AFF3: variants seen among roughly 807,000 people sequenced by gnomAD.
AFF3 encodes the protein AF4/FMR2 family member 3.
AFF3 carries 32 observed loss-of-function variants against 129.7 expected under a neutral mutation model. The ratio of observed to expected loss-of-function variants is 0.25; its 90% CI spans 0.19 to 0.33. The LOEUF (loss-of-function observed/expected upper bound fraction) is 0.33. AFF3 is among the 10% of genes least tolerant of loss of function. AFF3 has a pLI of 1.00. For missense variants in AFF3, 1,373 were observed against 1,592.0 expected, an observed-to-expected ratio of 0.86 and a Z score of 2.34; for synonymous variants, 644 against 635.4, an observed-to-expected ratio of 1.01 and a Z score of -0.20.
At chr2:100,088,418 T>C (rs906460375) in intron 4 of AFF3, among the ~76,000 whole-genome samples, 13 of 152,120 alleles carry the variant, frequency 8.5e-5, no homozygotes, top group Non-Finnish European at 1.5e-4. Context: ...CTAAAAAGCT[T>C]CCTCTTTTAG....
chr2:100,067,025 A>G (rs143336778), intron 4 of AFF3, among the ~76,000 whole-genome samples: 13 of 152,286 alleles, frequency 8.5e-5, no homozygotes, highest in Middle Eastern at 3.4e-3. Flanking sequence ...CACTTGATTC[A>G]TATCTTCAAC....
intron 7 of AFF3, among the ~76,000 whole-genome samples, chr2:99,838,479 A>G (rs1423981468): frequency 6.6e-6 from 1 of 152,092 alleles, no homozygotes; most frequent in Non-Finnish European, 1.5e-5. Flanking sequence ...TTAATTTCCT[A>G]GTTAATTCCT....
At chr2:100,074,834 T>C (rs1329473124) in intron 4 of AFF3, among the ~76,000 whole-genome samples, 1 of 152,156 alleles carries the variant, frequency 6.6e-6, no homozygotes, top group African/African-American at 2.4e-5. Flanking sequence ...TAACACAAAC[T>C]CTGACTCTGG....
intron 4 of AFF3, among the ~76,000 whole-genome samples, chr2:100,046,863 G>A (rs936457216): frequency 7.2e-5 from 11 of 151,856 alleles, no homozygotes; most frequent in Non-Finnish European, 1.3e-4. Flanking sequence ...GCAGGAATCC[G>A]CCTTGACAAA....
chr2:99,559,289 G>A (rs1464379708), intron 21 of AFF3, among the ~76,000 whole-genome samples: 1 of 151,048 alleles, frequency 6.6e-6, no homozygotes, highest in Non-Finnish European at 1.5e-5. Context: ...CACGAGAGGC[G>A]CGAGGTAGCT....
At chr2:99,995,135 G>T (rs2104624245) in intron 7 of AFF3, among the ~76,000 whole-genome samples, 1 of 152,264 alleles carries the variant, frequency 6.6e-6, no homozygotes, top group African/African-American at 2.4e-5. Context: ...ACTTGCACTA[G>T]GTCTTGAAGG....
At chr2:100,132,184 A>T (rs1220533355) in intron 1 of AFF3, among the ~76,000 whole-genome samples, 2 of 152,212 alleles carry the variant, frequency 1.3e-5, no homozygotes, top group African/African-American at 2.4e-5. Context: ...TGGTGACTAT[A>T]CTTAAGAACA....
intron 18 of AFF3, among the ~76,000 whole-genome samples, chr2:99,574,556 C>T (rs1275773160): frequency 6.6e-6 from 1 of 152,124 alleles, no homozygotes; most frequent in Non-Finnish European, 1.5e-5. Context: ...AAATTGCAGG[C>T]ACTCTTCCCT....
At chr2:99,569,029 G>T in intron 18 of AFF3, 114 bp from the exon 19 acceptor site, 2 of 973,800 alleles carry the variant, frequency 2.1e-6, no homozygotes, top group Non-Finnish European at 3.2e-6. Flanking sequence ...TGCTTAATGC[G>T]GAATTAAGTG....
intron 2 of AFF3, among the ~76,000 whole-genome samples, chr2:100,123,255 C>G (rs1284406499): frequency 2.0e-5 from 3 of 152,146 alleles, no homozygotes; most frequent in Non-Finnish European, 2.9e-5. Context: ...GCTTAGATGC[C>G]TTCTGACTGT....
chr2:99,989,266 T>A (rs1278870627), intron 7 of AFF3, among the ~76,000 whole-genome samples: 1 of 152,202 alleles, frequency 6.6e-6, no homozygotes, highest in African/African-American at 2.4e-5. Context: ...GGACAAGAGA[T>A]ACACACTGTA....
At position 100,043,953 on chromosome 2, in the gene AFF3, C is replaced by T. The variant is rs191997537; in HGVS notation, c.54-35021G>A. ...TTGCAGCCAAAATTATTTTTTCAGTCTCTTTAACCCTGGTGGGCCCCCTGA... is the reference window on the plus strand; with the variant it reads ...TTGCAGCCAAAATTATTTTTTCAGTTTCTTTAACCCTGGTGGGCCCCCTGA... On this transcript the variant is annotated intron_variant, in intron 4 of 24. Transcript: ENST00000672756. 8.1e-3 allele frequency among the ~76,000 whole-genome samples: 1,228 copies of T among 152,278 alleles called. 20 individuals carry two copies. Among genetic ancestry groups the T allele is most frequent in the African/African-American group, 0.028 (1,163 of 41,542 alleles).
chr2:100,016,906 TATG>T (rs1683167115), intron 4 of AFF3, among the ~76,000 whole-genome samples: 1 of 150,460 alleles, frequency 6.6e-6, no homozygotes, highest in African/African-American at 2.5e-5. Context: ...GTGGTGATGA[TATG>T]GTGGTGATTG....
At chr2:100,118,404 A>C (rs1168367183) in intron 2 of AFF3, among the ~76,000 whole-genome samples, 1 of 152,150 alleles carries the variant, frequency 6.6e-6, no homozygotes, top group Non-Finnish European at 1.5e-5. Context: ...CAGCTTACTT[A>C]AACTTTCTAA....
Position 99,670,265 on chromosome 2 carries a change from T to C in AFF3, c.1143+2273A>G, listed in dbSNP as rs369948301. ...CAAAAGCATGGAGTCTGAGGCGATC[T>C]GAGGAAGGGCAGGCAGGTATAGCAA... On this transcript the variant is annotated intron_variant, in intron 12 of 24. Transcript: ENST00000672756. Among the ~76,000 whole-genome samples, 20 of 152,300 alleles carry C rather than the reference T, an allele frequency of 1.3e-4. 1 individual carries two copies. In the South Asian group the frequency reaches 1.7e-3, roughly 13 times the overall value.
At chr2:99,770,915 G>T (rs533976511) in intron 8 of AFF3, among the ~76,000 whole-genome samples, 3 of 152,136 alleles carry the variant, frequency 2.0e-5, no homozygotes, top group Non-Finnish European at 4.4e-5. Context: ...GAAGGAAGGG[G>T]TCTCTTTTGA....
chr2:99,599,805 T>C (rs1575470874), intron 14 of AFF3, among the ~76,000 whole-genome samples: 2 of 152,328 alleles, frequency 1.3e-5, no homozygotes, highest in East Asian at 3.9e-4. Context: ...AAGTATAGCA[T>C]AAAGCAGGCT....
At chr2:100,061,648 G>A (rs1249684267) in intron 4 of AFF3, among the ~76,000 whole-genome samples, 1 of 152,202 alleles carries the variant, frequency 6.6e-6, no homozygotes, top group Non-Finnish European at 1.5e-5. Flanking sequence ...AGCAATGACA[G>A]ATATAAATTT....
chr2:99,899,640 G>A (rs12474641), intron 7 of AFF3, among the ~76,000 whole-genome samples: 23,981 of 152,090 alleles, frequency 0.16, 2,200 homozygotes, highest in Admixed American at 0.28. Context: ...CTACCTGAAC[G>A]CCACACAATT....
Sources: gnomAD v4.1 joint callset for allele counts (sites outside exome capture counted in the v4.1 genomes callset) on GRCh38, gnomAD v4.1.1 for gene constraint, MANE v1.5 for transcripts, NCBI Gene and HGNC (gene_info 2026-07-23, HGNC 2026-07-21) for gene names.